Variants in ANGPT4 observed in about 807,000 individuals in gnomAD.
ANGPT4 encodes angiopoietin 4, also known as angiopoietin-4.
A neutral mutation model predicts 53.0 loss-of-function variants in ANGPT4; 50 were observed. That is an observed-to-expected ratio of 0.94 (90% CI 0.75 to 1.20). The LOEUF (loss-of-function observed/expected upper bound fraction) is 1.20, where lower values mean the gene tolerates loss of function less well. Ranked by LOEUF, ANGPT4 falls within the 50% of genes most tolerant of loss-of-function variation. The pLI is 0.00. For synonymous variants in ANGPT4, 251 were observed against 259.7 expected (o/e 0.97, Z 0.32); for missense variants, 648 against 637.1 (o/e 1.02, Z -0.18).
chr20:915,369 G>A (rs478451), intron 1 of ANGPT4, among the ~76,000 whole-genome samples: 82,151 of 151,806 alleles, frequency 0.54, 22,737 homozygotes, highest in South Asian at 0.7. Flanking sequence ...CCCTCCTCAC[G>A]GTCAAAATAC....
In ANGPT4 at chr20:874,168, G is replaced by T. The variant is rs1426229924; in HGVS notation, c.1351+116C>A. ...TGAGCTTATGGGTGGGCAAGGCCCA[G>T]ACCTGCACCCATCCTCCTGACAGCA... On this transcript the variant is annotated intron_variant, in intron 8 of 8. Transcript: ENST00000381922. The T allele has an allele frequency of 4.0e-6, 6 of 1,504,576 alleles. No individual in the cohort carries two copies. The East Asian group carries it at 1.1e-4, about 29-fold the overall frequency. 93.2% of individuals were successfully genotyped at this position (1,504,576 alleles called of 1,614,324 possible). A position where few individuals can be genotyped will look rare whatever the true frequency, so the allele number is the denominator to read the frequency against.
At chr20:885,001 C>A in intron 4 of ANGPT4, 77 bp downstream of exon 4, 15 of 1,585,638 alleles carry the variant, frequency 9.5e-6, no homozygotes, top group Non-Finnish European at 1.3e-5. Flanking sequence ...GCCCAGAGAC[C>A]CTGGAGGGTG....
chr20:891,873 A>C (rs190521271), intron 1 of ANGPT4, among the ~76,000 whole-genome samples: 1 of 152,190 alleles, frequency 6.6e-6, no homozygotes, highest in Non-Finnish European at 1.5e-5. Context: ...TTCTTCCGTC[A>C]GCATCAGCTG....
At chr20:903,457 A>G (rs1233038808) in intron 1 of ANGPT4, among the ~76,000 whole-genome samples, 6 of 152,074 alleles carry the variant, frequency 3.9e-5, no homozygotes, top group Admixed American at 1.3e-4. Context: ...CTTCCTTGAT[A>G]CTGTCAGCAT....
In ANGPT4 at chr20:890,219, C is replaced by T. The variant is rs576213874; in HGVS notation, c.459G>A (p.Glu153=). The change falls in exon 2 of 9, where the codon GAG becomes GAA. Residue 153 remains glutamate, a synonymous_variant. Coordinates refer to ENST00000381922, the MANE Select transcript of ANGPT4 (RefSeq NM_015985.4). ...CTCAGTCACCCTCTGTTACCTGAGC[C>T]TCCATGTCGGTCAGCTTGCGGATCT... ...TAQIRKLTDM[E]AQLLNQTSRM... is the part of the protein sequence containing the mutation. 5.0e-6 allele frequency: 8 copies of T among 1,613,488 alleles called. No homozygotes were observed. The Admixed American group carries it at 1.2e-4, about 24-fold the overall frequency.
intron 7 of ANGPT4, among the ~76,000 whole-genome samples, chr20:875,411 G>A (rs2122755921): frequency 6.6e-6 from 1 of 152,334 alleles, no homozygotes; most frequent in African/African-American, 2.4e-5. Flanking sequence ...CCAGCCAGGT[G>A]AGGATTTCTA....
At chr20:888,208 G>A (rs1981688271) in intron 3 of ANGPT4, 110 bp downstream of exon 3, 2 of 1,426,820 alleles carry the variant, frequency 1.4e-6, no homozygotes, top group African/African-American at 2.9e-5. Flanking sequence ...CCAGCTTCCG[G>A]TCCTGGCTCC....
At position 916,117 on chromosome 20, in the gene ANGPT4, C is replaced by T; in HGVS notation, c.98G>A (p.Cys33Tyr). ...QQTRQEADRG[C>Y]ETLVVQHGHC... ...GCCGTGCTGGACTACAAGTGTCTCG[C>T]AGCCCCTATCCGCCTCCTGCCTTGT... Residue 33 changes from cysteine to tyrosine, a missense_variant, in exon 1 of 9, where the codon TGC becomes TAC. Physicochemically the swap from Cys to Tyr is radical, Grantham distance 194. Transcript: ENST00000381922. 1.2e-6 allele frequency: 2 copies of T among 1,614,218 alleles called. No homozygotes were observed. The highest frequency in any genetic ancestry group is 1.3e-5 in the African/African-American group (1 of 75,070).
intron 1 of ANGPT4, among the ~76,000 whole-genome samples, chr20:912,547 G>T (rs1363698443): frequency 1.3e-5 from 2 of 152,192 alleles, no homozygotes; most frequent in Non-Finnish European, 2.9e-5. Flanking sequence ...CTGACGTGCA[G>T]CCCCAGGAGC....
chr20:899,456 T>C (rs1230259793), intron 1 of ANGPT4, among the ~76,000 whole-genome samples: 1 of 152,016 alleles, frequency 6.6e-6, no homozygotes, highest in East Asian at 1.9e-4. Flanking sequence ...GGTTTCACCG[T>C]GTTAGCCAGG....
intron 1 of ANGPT4, among the ~76,000 whole-genome samples, chr20:906,307 G>A (rs1426542823): frequency 6.6e-6 from 1 of 152,098 alleles, no homozygotes; most frequent in Non-Finnish European, 1.5e-5. Flanking sequence ...CTCACAGCCA[G>A]CGCCAGCTCA....
chr20:888,894 C>T (rs1356446514), intron 2 of ANGPT4, among the ~76,000 whole-genome samples: 3 of 152,214 alleles, frequency 2.0e-5, no homozygotes, highest in Non-Finnish European at 2.9e-5. Flanking sequence ...GCTCCCATCT[C>T]ATGTAGCGGA....
At position 879,749 on chromosome 20, in the gene ANGPT4, G is replaced by A. The variant is rs753000791; in HGVS notation, c.1051C>T (p.Gln351Ter). 1.2e-6 allele frequency: 2 copies of A among 1,613,272 alleles called. No homozygotes were observed. The highest frequency in any genetic ancestry group is 1.7e-6 in the Non-Finnish European group (2 of 1,179,524). The change falls in exon 6 of 9, where the codon CAG (glutamine) becomes TAG (stop). Residue 351 changes from glutamine to a stop codon, truncating the protein, a stop_gained and splice_region_variant. Coordinates refer to ENST00000381922, the MANE Select transcript of ANGPT4 (RefSeq NM_015985.4). LOFTEE classifies it high-confidence loss of function. ...CCTCCCCAAGGCAGCAGGGCTACCT[G>A]TTTGTAATCCTTCCAGTTCCGCTGA... ...NFQRNWKDYK[Q>*]GFGDPAGEHW...
intron 1 of ANGPT4, among the ~76,000 whole-genome samples, chr20:891,383 T>G (rs1227888723): frequency 6.6e-6 from 1 of 152,222 alleles, no homozygotes; most frequent in African/African-American, 2.4e-5. Context: ...CAAATGTTCA[T>G]TTCTTTGACA....
chr20:902,009 C>G (rs922524216), intron 1 of ANGPT4, among the ~76,000 whole-genome samples: 2 of 152,068 alleles, frequency 1.3e-5, no homozygotes, highest in Non-Finnish European at 2.9e-5. Flanking sequence ...AAAAAGAAAC[C>G]AAGAGGCAGA....
intron 7 of ANGPT4, 146 bp from the exon 8 acceptor site, chr20:874,560 T>C (rs1981086276): frequency 8.6e-7 from 1 of 1,165,398 alleles, no homozygotes; most frequent in Non-Finnish European, 1.2e-6. Context: ...CTGGGTGGAG[T>C]GCTTGGGCTG....
chr20:898,262 T>C (rs1377499471), intron 1 of ANGPT4, among the ~76,000 whole-genome samples: 1 of 152,090 alleles, frequency 6.6e-6, no homozygotes, highest in Admixed American at 6.5e-5. Flanking sequence ...AATCCTTCTA[T>C]CACCTCCCCT....
chr20:896,841 A>G (rs1306548992), intron 1 of ANGPT4, among the ~76,000 whole-genome samples: 3 of 152,156 alleles, frequency 2.0e-5, no homozygotes, highest in Non-Finnish European at 2.9e-5. Flanking sequence ...TGAACGCATG[A>G]TAAATTCTGG....
chr20:911,983 A>G lies in ANGPT4; in HGVS notation c.309+3923T>C, dbSNP rs1335490554. ...GGCTGCTCCCTAAAGGTGAGAAAGTAGTTCTCACCTGCAGTTTCCAGGTGG... is the reference window on the plus strand; with the variant it reads ...GGCTGCTCCCTAAAGGTGAGAAAGTGGTTCTCACCTGCAGTTTCCAGGTGG... On this transcript the variant is annotated intron_variant, in intron 1 of 8. Coordinates refer to ENST00000381922, the MANE Select transcript of ANGPT4 (RefSeq NM_015985.4). This position sits in a 1 kb window ranked among gnomAD's most constrained non-coding sequence, Gnocchi z 4.9. Among the ~76,000 whole-genome samples, 2 of 151,942 alleles carry G rather than the reference A, an allele frequency of 1.3e-5. No homozygotes were observed. The highest frequency in any genetic ancestry group is 2.9e-5 in the Non-Finnish European group (2 of 67,986).
Sources: allele counts gnomAD v4.1 joint callset (sites outside exome capture counted in the v4.1 genomes callset), GRCh38; gene constraint gnomAD v4.1.1; non-coding constraint Gnocchi (gnomAD v3.1); transcripts MANE v1.5; gene names NCBI Gene and HGNC (gene_info 2026-07-23, HGNC 2026-07-21).